Variants in SHISAL2A observed in about 807,000 individuals in gnomAD.
SHISAL2A encodes the protein shisa like 2A, also known as protein shisa-like-2A.
SHISAL2A carries 18 observed loss-of-function variants against 11.5 expected under a neutral mutation model. The ratio of observed to expected loss-of-function variants is 1.57; its 90% CI spans 1.08 to 2.33. The LOEUF is 2.33. Ranked by LOEUF, SHISAL2A falls within the 30% of genes most tolerant of loss-of-function variation. The pLI is 0.00. For synonymous variants in SHISAL2A, 94 were observed against 99.6 expected (o/e 0.94, Z 0.34); for missense variants, 261 against 250.9 (o/e 1.04, Z -0.27).
chr1:52,662,066 C>T (rs892564018), intron 4 of SHISAL2A, among the ~76,000 whole-genome samples: 2 of 151,948 alleles, frequency 1.3e-5, no homozygotes, highest in Non-Finnish European at 2.9e-5. Flanking sequence ...CCTGCAACCC[C>T]GCCCTTCAGG....
intron 2 of SHISAL2A, among the ~76,000 whole-genome samples, chr1:52,643,330 GA>G (rs1296480227): frequency 6.6e-6 from 1 of 152,150 alleles, no homozygotes; most frequent in Non-Finnish European, 1.5e-5. Flanking sequence ...AAACAAAATA[GA>G]ATTAATTTTT....
intron 2 of SHISAL2A, among the ~76,000 whole-genome samples, chr1:52,649,864 GT>G (rs1442314508): frequency 6.6e-6 from 1 of 152,162 alleles, no homozygotes. Flanking sequence ...TCTGAAAGTT[GT>G]TGGTGAAGAG....
downstream of SHISAL2A, chr1:52,659,342 T>G (rs1010516381): frequency 1.3e-5 from 2 of 152,988 alleles, no homozygotes; most frequent in African/African-American, 4.8e-5. Context: ...TTTTCAGCAC[T>G]TAAAACCCAG....
chr1:52,656,291 G>A (rs951217638), intron 2 of SHISAL2A, among the ~76,000 whole-genome samples: 3 of 152,196 alleles, frequency 2.0e-5, no homozygotes, highest in Non-Finnish European at 4.4e-5. Flanking sequence ...AGTTGCAGCT[G>A]AACAAGTCAT....
At chr1:52,664,434 C>T (rs1166878813) in intron 4 of SHISAL2A, among the ~76,000 whole-genome samples, 1 of 151,958 alleles carries the variant, frequency 6.6e-6, no homozygotes, top group African/African-American at 2.4e-5. Flanking sequence ...TGGCTCACCG[C>T]AACCTCCACC....
At chr1:52,644,883 G>A (rs954626398) in intron 2 of SHISAL2A, among the ~76,000 whole-genome samples, 4 of 151,386 alleles carry the variant, frequency 2.6e-5, no homozygotes, top group Non-Finnish European at 5.9e-5. Flanking sequence ...TGGGCTTGGT[G>A]GTGGGCGCCT....
chr1:52,661,806 C>T (rs765838853), downstream of SHISAL2A, among the ~76,000 whole-genome samples: 14 of 152,128 alleles, frequency 9.2e-5, no homozygotes, highest in South Asian at 8.3e-4. Flanking sequence ...CCAAGGAGGG[C>T]GGATAACCTG....
At position 52,633,666 on chromosome 1, in the gene SHISAL2A, G is replaced by C. The variant is rs752991160; in HGVS notation, c.173G>C (p.Trp58Ser). 1.9e-6 allele frequency: 3 copies of C among 1,607,588 alleles called. No individual in the cohort carries two copies. Among genetic ancestry groups the C allele is most frequent in the African/African-American group, 1.3e-5 (1 of 74,148 alleles). The change falls in exon 1 of 3, where the codon TGG (tryptophan) becomes TCG (serine). Residue 58 changes from tryptophan to serine, a missense_variant. Physicochemically the swap from Trp to Ser is radical, Grantham distance 177. Transcript: ENST00000517870. This position sits in a 1 kb window ranked among gnomAD's most constrained non-coding sequence, Gnocchi z 6.4. ...SFFPYEHSYM[W>S]WLSIGALIGL... ...TTCCCCTACGAGCACAGCTACATGT[G>C]GTGGCTCAGGTACCGTCCCTGGCCC...
intron 4 of SHISAL2A, among the ~76,000 whole-genome samples, chr1:52,665,208 G>C (rs575227943): frequency 2.5e-4 from 38 of 152,264 alleles, no homozygotes; most frequent in African/African-American, 8.9e-4. Context: ...TCTTCCCAAG[G>C]GGCTCCAATT....
chr1:52,646,526 C>CAT (rs1165174795), intron 2 of SHISAL2A, among the ~76,000 whole-genome samples: 1 of 150,954 alleles, frequency 6.6e-6, no homozygotes, highest in African/African-American at 2.5e-5. Flanking sequence ...CACACACACA[C>CAT]ACAATTAGTC....
At chr1:52,639,779 TC>T (rs1262765433) in intron 1 of SHISAL2A, among the ~76,000 whole-genome samples, 3 of 151,838 alleles carry the variant, frequency 2.0e-5, no homozygotes, top group Non-Finnish European at 4.4e-5. Context: ...CATATTAAAA[TC>T]TAAAAGATCT....
chr1:52,666,271 A>G (rs1692012205), intron 4 of SHISAL2A, among the ~76,000 whole-genome samples: 1 of 152,066 alleles, frequency 6.6e-6, no homozygotes, highest in African/African-American at 2.4e-5. Flanking sequence ...GGACAACATG[A>G]TGAAACCGTG....
rs952483158 is a variant in SHISAL2A at position 52,633,430 on chromosome 1, C to T, written c.-64C>T. 2.2e-6 allele frequency: 3 copies of T among 1,369,780 alleles called. No homozygotes were observed. Among genetic ancestry groups the T allele is most frequent in the Non-Finnish European group, 2.8e-6 (3 of 1,055,314 alleles). The allele number at this position is 1,369,780 out of a possible 1,614,324, so 84.9% of individuals were successfully genotyped here. ...CTCCGTCTCGCTCGGTCCCTCGCTT[C>T]CCCGCCGGGCTCTAGCCGGCCGTCT... On this transcript the variant is annotated 5_prime_UTR_variant, in exon 1 of 3. Coordinates refer to ENST00000517870, the MANE Select transcript of SHISAL2A (RefSeq NM_001042693.3). This position sits in a 1 kb window ranked among gnomAD's most constrained non-coding sequence, Gnocchi z 6.4.
At chr1:52,641,498 G>T (rs1280882023) in intron 1 of SHISAL2A, among the ~76,000 whole-genome samples, 1 of 152,220 alleles carries the variant, frequency 6.6e-6, no homozygotes, top group Admixed American at 6.5e-5. Context: ...AAAAAAGGAA[G>T]CTGTTTCTTC....
intron 4 of SHISAL2A, among the ~76,000 whole-genome samples, chr1:52,662,128 A>C (rs1315194595): frequency 6.6e-6 from 1 of 152,158 alleles, no homozygotes; most frequent in Non-Finnish European, 1.5e-5. Flanking sequence ...CCCCTAGAGA[A>C]CAGTCAGAGA....
intron 4 of SHISAL2A, among the ~76,000 whole-genome samples, chr1:52,663,936 A>G (rs1421144817): frequency 2.0e-5 from 3 of 152,196 alleles, no homozygotes; most frequent in Non-Finnish European, 4.4e-5. Context: ...CTATCGCAGA[A>G]TGTACCAACC....
At chr1:52,644,251 G>A (rs1236768368) in intron 2 of SHISAL2A, among the ~76,000 whole-genome samples, 3 of 151,586 alleles carry the variant, frequency 2.0e-5, no homozygotes, top group African/African-American at 7.3e-5. Context: ...GTTGAGTTTA[G>A]TGAAGAAGTT....
chr1:52,648,874 G>T (rs187830733), intron 2 of SHISAL2A, among the ~76,000 whole-genome samples: 1 of 151,536 alleles, frequency 6.6e-6, no homozygotes, highest in Admixed American at 6.6e-5. Flanking sequence ...TGGCTCAAGC[G>T]GAATACAGTT....
At chr1:52,651,715 G>C (rs151168088) in intron 2 of SHISAL2A, among the ~76,000 whole-genome samples, 39 of 152,256 alleles carry the variant, frequency 2.6e-4, no homozygotes, top group African/African-American at 8.9e-4. Flanking sequence ...TTCTCTTTGA[G>C]CTAGAATTAT....
Sources: gnomAD v4.1 joint callset for allele counts (sites outside exome capture counted in the v4.1 genomes callset) on GRCh38, gnomAD v4.1.1 for gene constraint, Gnocchi (gnomAD v3.1) non-coding constraint, MANE v1.5 for transcripts, NCBI Gene and HGNC (gene_info 2026-07-23, HGNC 2026-07-21) for gene names.